Variants in FGD5 observed in about 807,000 individuals in gnomAD.
FGD5 encodes the protein FYVE, RhoGEF and PH domain containing 5.
A neutral mutation model predicts 133.4 loss-of-function variants in FGD5; 28 were observed. That is an observed-to-expected ratio of 0.21 (90% CI 0.16 to 0.29). The LOEUF (loss-of-function observed/expected upper bound fraction) is 0.29, where lower values mean the gene tolerates loss of function less well. Ranked by LOEUF, FGD5 falls within the 10% of genes least tolerant of loss-of-function variation. FGD5 has a pLI of 1.00. For synonymous variants in FGD5, 810 were observed against 776.5 expected, an observed-to-expected ratio of 1.04 and a Z score of -0.72; for missense variants, 1,858 against 1,895.2, an observed-to-expected ratio of 0.98 and a Z score of 0.36.
intron 1 of FGD5, among the ~76,000 whole-genome samples, chr3:14,834,762 C>T (rs1447651973): frequency 6.6e-6 from 1 of 152,088 alleles, no homozygotes; most frequent in African/African-American, 2.4e-5. Context: ...AAGCCACAGG[C>T]GGGGCATGTA....
At chr3:14,895,728 C>T (rs1425585856) in intron 4 of FGD5, among the ~76,000 whole-genome samples, 1 of 152,120 alleles carries the variant, frequency 6.6e-6, no homozygotes, top group African/African-American at 2.4e-5. Flanking sequence ...GCCACCCTAT[C>T]CTGCTAATTT....
chr3:14,897,752 G>C, intron 5 of FGD5, 83 bp downstream of exon 5: 1 of 1,481,046 alleles, frequency 6.8e-7, no homozygotes, highest in South Asian at 1.3e-5. Flanking sequence ...ATATGAAATA[G>C]TATCTCCATT....
At chr3:14,867,156 C>T (rs753911883) in intron 2 of FGD5, among the ~76,000 whole-genome samples, 1 of 152,316 alleles carries the variant, frequency 6.6e-6, no homozygotes, top group East Asian at 1.9e-4. Flanking sequence ...TGAAAGTCCC[C>T]TCGAACTCTC....
intron 1 of FGD5, among the ~76,000 whole-genome samples, chr3:14,813,891 A>G (rs1480301804): frequency 6.6e-6 from 1 of 152,214 alleles, no homozygotes; most frequent in Admixed American, 6.5e-5. Context: ...ATATTTAATT[A>G]AAATAGAGAG....
At chr3:14,900,260 G>A (rs1454851069) in intron 7 of FGD5, 143 bp from the exon 8 acceptor site, 7 of 762,514 alleles carry the variant, frequency 9.2e-6, no homozygotes, top group Non-Finnish European at 2.3e-6. Flanking sequence ...TCATGCTAAT[G>A]TGGTATTGTG....
At chr3:14,818,941 A>G (rs1433199512), upstream of FGD5, 4 of 1,437,730 alleles carry the variant, frequency 2.8e-6, no homozygotes, top group African/African-American at 5.8e-5. Flanking sequence ...CCTTTTCTCT[A>G]TTTTTGTCAT....
At chr3:14,881,663 G>T (rs145875717) in intron 4 of FGD5, among the ~76,000 whole-genome samples, 7 of 152,342 alleles carry the variant, frequency 4.6e-5, no homozygotes, top group African/African-American at 1.7e-4. Flanking sequence ...TGAGCACTGG[G>T]TTCTATGGTG....
intron 1 of FGD5, among the ~76,000 whole-genome samples, chr3:14,823,622 G>A (rs1277114645): frequency 6.6e-6 from 1 of 152,258 alleles, no homozygotes; most frequent in Non-Finnish European, 1.5e-5. Flanking sequence ...AGATCTCTCA[G>A]TAAGTTACTG....
chr3:14,886,199 A>G (rs1216277701), intron 4 of FGD5, among the ~76,000 whole-genome samples: 4 of 152,210 alleles, frequency 2.6e-5, no homozygotes, highest in Non-Finnish European at 5.9e-5. Flanking sequence ...AGGCAGGAAG[A>G]AGGAGAAAGG....
At chr3:14,930,189 T>C (rs1306235369) in intron 18 of FGD5, among the ~76,000 whole-genome samples, 2 of 152,240 alleles carry the variant, frequency 1.3e-5, no homozygotes, top group Admixed American at 1.3e-4. Flanking sequence ...CTTTCCATTG[T>C]GTTTCATTCA....
At chr3:14,900,522 C>T in intron 8 of FGD5, 69 bp downstream of exon 8, 4 of 1,554,970 alleles carry the variant, frequency 2.6e-6, no homozygotes, top group Non-Finnish European at 3.5e-6. Flanking sequence ...AAGCCTGGAC[C>T]CTGCCCCAAT....
intron 1 of FGD5, among the ~76,000 whole-genome samples, chr3:14,834,205 A>G (rs1402784422): frequency 1.3e-5 from 2 of 152,120 alleles, no homozygotes; most frequent in African/African-American, 4.8e-5. Context: ...CTGAGGGGCA[A>G]TGATTTTGTG....
chr3:14,845,234 C>G (rs1441105735), intron 1 of FGD5, among the ~76,000 whole-genome samples: 1 of 152,224 alleles, frequency 6.6e-6, no homozygotes, highest in Non-Finnish European at 1.5e-5. Context: ...TTAGTCTAGA[C>G]AGCAGGAAGG....
Position 14,900,472 on chromosome 3 carries a change from C to T in FGD5, c.3205+19C>T, listed in dbSNP as rs374531940. The T allele has an allele frequency of 8.1e-6, 13 of 1,611,664 alleles. No individual in the cohort carries two copies. Among genetic ancestry groups the T allele is most frequent in the African/African-American group, 2.7e-5 (2 of 74,872 alleles). ...ACACAGGGTGAGTCCAGCGTGAATG[C>T]GGAGGGAGGTACTCAAGCCTGCTCT... On this transcript the variant is annotated intron_variant, in intron 8 of 19. Transcript: ENST00000285046.
At chr3:14,844,569 C>T (rs1471567580) in intron 1 of FGD5, among the ~76,000 whole-genome samples, 1 of 151,706 alleles carries the variant, frequency 6.6e-6, no homozygotes, top group Admixed American at 6.6e-5. Flanking sequence ...CCCTTGGGGA[C>T]AGCCAGACCA....
Position 14,900,995 on chromosome 3 carries a change from C to T in FGD5, c.3206-8C>T, listed in dbSNP as rs1324791059. 2 of 1,614,018 alleles carry T rather than the reference C, an allele frequency of 1.2e-6. No individual in the cohort carries two copies. Among genetic ancestry groups the T allele is most frequent in the South Asian group, 2.2e-5 (2 of 91,088 alleles). ...ATGGCCCAACTCCTGCTCTGTGTCC[C>T]TCCCCAGGTGCACTGAGCCTCATCT... On this transcript the variant is annotated splice_polypyrimidine_tract_variant and splice_region_variant and intron_variant, in intron 8 of 19. Transcript: ENST00000285046.
chr3:14,864,644 A>C (rs1327499366), intron 2 of FGD5, among the ~76,000 whole-genome samples: 1 of 152,218 alleles, frequency 6.6e-6, no homozygotes, highest in Non-Finnish European at 1.5e-5. Context: ...GAGATGTGTT[A>C]AAGGCTATCA....
In FGD5 at chr3:14,825,585, G is replaced by A. The variant is rs185540737; in HGVS notation, c.2525+3989G>A. 7.6e-4 allele frequency among the ~76,000 whole-genome samples: 115 copies of A among 152,206 alleles called. 1 individual carries two copies. The highest frequency in any genetic ancestry group is 4.1e-3 in the Admixed American group (62 of 15,294). ...GGATCACTTGAGCTAGGAATTTCAGGCTGCATTGAGCTGTCATCATGCCAC... is the reference window on the plus strand; with the variant it reads ...GGATCACTTGAGCTAGGAATTTCAGACTGCATTGAGCTGTCATCATGCCAC... On this transcript the variant is annotated intron_variant, in intron 1 of 19. Coordinates refer to ENST00000285046, the MANE Select transcript of FGD5 (RefSeq NM_152536.4).
chr3:14,876,944 G>A (rs753413489), intron 2 of FGD5, among the ~76,000 whole-genome samples: 6 of 152,262 alleles, frequency 3.9e-5, no homozygotes, highest in Non-Finnish European at 7.3e-5. Context: ...GAATAGCCAA[G>A]TGTTGAACCA....
Sources: gnomAD v4.1 joint callset for allele counts (sites outside exome capture counted in the v4.1 genomes callset) on GRCh38, gnomAD v4.1.1 for gene constraint, MANE v1.5 for transcripts, NCBI Gene and HGNC (gene_info 2026-07-23, HGNC 2026-07-21) for gene names.